ZDHHC11B: variants seen among roughly 807,000 people sequenced by gnomAD.
The protein encoded by ZDHHC11B is probable palmitoyltransferase ZDHHC11B.
A neutral mutation model predicts 42.3 loss-of-function variants in ZDHHC11B; 17 were observed. The observed-to-expected ratio is 0.40, with a 90% CI of 0.27 to 0.60. ZDHHC11B has a LOEUF of 0.60. ZDHHC11B is among the 20% of genes least tolerant of loss of function. ZDHHC11B has a pLI of 0.41. For missense variants in ZDHHC11B, 262 were observed against 463.2 expected (o/e 0.57, Z 3.99); for synonymous variants, 123 against 193.5 (o/e 0.64, Z 3.02).
intron 9 of ZDHHC11B, among the ~76,000 whole-genome samples, chr5:743,821 C>T (rs1396783039): frequency 7.3e-5 from 11 of 149,708 alleles, no homozygotes; most frequent in Non-Finnish European, 1.2e-4. Context: ...TGCAAATAAA[C>T]GCAGTTTTAC....
At chr5:733,980 T>G (rs956510796) in intron 10 of ZDHHC11B, 141 bp from the exon 11 acceptor site, 5 of 753,188 alleles carry the variant, frequency 6.6e-6, no homozygotes, top group Non-Finnish European at 1.1e-5. Flanking sequence ...CAGCAGCTCC[T>G]GGGAGGTTGT....
intron 4 of ZDHHC11B, among the ~76,000 whole-genome samples, chr5:763,673 C>T (rs1734917284): frequency 2.0e-5 from 3 of 151,660 alleles, no homozygotes. Context: ...GTGAGCCACG[C>T]ATCTGTAGAG....
chr5:715,015 A>T (rs1741646062), intron 13 of ZDHHC11B, among the ~76,000 whole-genome samples: 1 of 149,802 alleles, frequency 6.7e-6, no homozygotes, highest in Non-Finnish European at 1.5e-5. Context: ...AGCTCCCTTC[A>T]CCTTCTGCTG....
intron 6 of ZDHHC11B, among the ~76,000 whole-genome samples, chr5:753,387 G>A (rs570245836): frequency 7.6e-6 from 1 of 130,892 alleles, no homozygotes; most frequent in African/African-American, 2.5e-5. Flanking sequence ...CATGACCCCG[G>A]CCCTGCTCTC....
chr5:784,510 G>T (rs1276788331), intron 1 of ZDHHC11B, among the ~76,000 whole-genome samples, 158 bp downstream of exon 1: 3 of 152,382 alleles, frequency 2.0e-5, no homozygotes, highest in East Asian at 1.9e-4. Context: ...CCCAATCCGG[G>T]GGCTCAGGGA....
In ZDHHC11B at chr5:711,483, ATGTGCTTCCATTTCCCAGTAC is replaced by A. The variant is rs1436757010; in HGVS notation, c.*786_*806del. On this transcript the variant is annotated 3_prime_UTR_variant, in exon 14 of 14. Transcript: ENST00000508859. ...CTGTATACTCCTATTTCCCAGTGCC[ATGTGCTTCCATTTCCCAGTAC>A]TGTGCTCATATTTCCCAGTACTGTG... 1.6e-5 allele frequency: 2 copies of A among 127,486 alleles called. No homozygotes were observed. Among genetic ancestry groups the A allele is most frequent in the Non-Finnish European group, 3.2e-5 (2 of 62,130 alleles). The allele number at this position is 127,486 out of a possible 1,614,324, so 7.9% of individuals were successfully genotyped here.
chr5:765,596 A>G lies in ZDHHC11B; in HGVS notation c.222+1102T>C, dbSNP rs1050154048. ...GCAGGCTGCTCAAGCCAGTAGCAGC[A>G]AACTGCTTGGGTTCTCTTCCACATT... On this transcript the variant is annotated intron_variant, in intron 4 of 13. Coordinates refer to ENST00000508859, the MANE Select transcript of ZDHHC11B (RefSeq NM_001351303.2). Among the ~76,000 whole-genome samples the G allele has an allele frequency of 9.2e-5, 14 of 151,930 alleles. 1 individual carries two copies. The highest frequency in any genetic ancestry group is 3.4e-4 in the African/African-American group (14 of 41,348).
At position 746,288 on chromosome 5, in the gene ZDHHC11B, C is replaced by T. The variant is rs1326805015; in HGVS notation, c.785-990G>A. Among the ~76,000 whole-genome samples the T allele has an allele frequency of 6.8e-5, 10 of 146,300 alleles. 1 individual carries two copies. In the East Asian group the frequency reaches 1.6e-3, roughly 23 times the overall value. ...GCAGTGAGGAGCAGATGGCGGTGGG[C>T]ACCCTGGGGAGCTGCCTGTGGCCAG... On this transcript the variant is annotated intron_variant, in intron 8 of 13. Transcript: ENST00000508859.
chr5:736,332 A>T lies in ZDHHC11B; in HGVS notation c.936-2493T>A, dbSNP rs2335623. Among the ~76,000 whole-genome samples, 20 of 150,098 alleles carry T rather than the reference A, an allele frequency of 1.3e-4. 1 individual carries two copies. Among genetic ancestry groups the T allele is most frequent in the South Asian group, 6.6e-4 (3 of 4,530 alleles). The stretch of plus-strand genomic sequence containing the variant: ...CCCAAATTTATAAAACAATTCTTAC[A>T]GGACATAAGAAATGAGACTGATGAA... On this transcript the variant is annotated intron_variant, in intron 10 of 13. Transcript: ENST00000508859.
At chr5:769,943 C>T (rs1343098330) in intron 1 of ZDHHC11B, among the ~76,000 whole-genome samples, 2 of 151,894 alleles carry the variant, frequency 1.3e-5, no homozygotes, top group Non-Finnish European at 2.9e-5. Flanking sequence ...GGAGCCCTGA[C>T]CGAGGTCTGA....
chr5:712,732 A>C (rs1408356094), intron 13 of ZDHHC11B, among the ~76,000 whole-genome samples: 9 of 151,234 alleles, frequency 6.0e-5, no homozygotes, highest in Non-Finnish European at 8.9e-5. Context: ...ATACGGTGAA[A>C]CCCCGTCTCT....
intron 10 of ZDHHC11B, among the ~76,000 whole-genome samples, chr5:736,828 A>C (rs1292812810): frequency 7.7e-6 from 1 of 129,390 alleles, no homozygotes; most frequent in Non-Finnish European, 1.6e-5. Flanking sequence ...TGTTTAAAGG[A>C]ATGTTCACAG....
rs1461819284 is a variant in ZDHHC11B at position 770,810 on chromosome 5, G to A, written c.-229-1880C>T. ...GTGCTGGGGGCACCGGTGTCAGGGT[G>A]CAGGGATGCCCTCTGGACTTGGTAA... On this transcript the variant is annotated intron_variant, in intron 1 of 13. Coordinates refer to ENST00000508859, the MANE Select transcript of ZDHHC11B (RefSeq NM_001351303.2). Among the ~76,000 whole-genome samples, 11 of 152,072 alleles carry A rather than the reference G, an allele frequency of 7.2e-5. No individual in the cohort carries two copies. In the East Asian group the frequency reaches 1.7e-3, roughly 24 times the overall value.
chr5:733,699 T>C lies in ZDHHC11B; in HGVS notation c.1023+53A>G, dbSNP rs1343107366. On this transcript the variant is annotated intron_variant, in intron 11 of 13. Transcript: ENST00000508859. ...TCAGCTTGGGGGACCCGAGACCACA[T>C]ATTCTGCACACGGCCCTGTCCTCAG... 25 of 1,522,372 alleles carry C rather than the reference T, an allele frequency of 1.6e-5. No homozygotes were observed. In the Middle Eastern group the frequency reaches 6.8e-4, roughly 41 times the overall value. The allele number at this position is 1,522,372 out of a possible 1,614,324, so 94.3% of individuals were successfully genotyped here. A position where few individuals can be genotyped will look rare whatever the true frequency, so the allele number is the denominator to read the frequency against.
intron 11 of ZDHHC11B, 69 bp from the exon 12 acceptor site, chr5:730,537 A>C: frequency 1.4e-6 from 2 of 1,475,038 alleles, no homozygotes; most frequent in Non-Finnish European, 1.8e-6. Context: ...CTTATTCTTA[A>C]ACAAAATTCA....
At chr5:766,388 G>A (rs1735376302) in intron 4 of ZDHHC11B, among the ~76,000 whole-genome samples, 1 of 152,048 alleles carries the variant, frequency 6.6e-6, no homozygotes, top group East Asian at 1.9e-4. Context: ...GTCAGCGGCT[G>A]CCCTGTCCAA....
In ZDHHC11B at chr5:756,396, G is replaced by A. The variant is rs1376210961; in HGVS notation, c.223-252C>T. On this transcript the variant is annotated intron_variant, in intron 4 of 13. Transcript: ENST00000508859. ...CACCCAGCCCCGTCCACTCGGCCCT[G>A]CACACACAGCCCTGCTCACCCAGGC... is the stretch of plus-strand genomic sequence containing the variant. 5.3e-5 allele frequency among the ~76,000 whole-genome samples: 8 copies of A among 151,342 alleles called. 1 individual carries two copies. The highest frequency in any genetic ancestry group is 1.7e-4 in the African/African-American group (7 of 41,198).
chr5:750,372 G>T (rs1318136), intron 7 of ZDHHC11B, among the ~76,000 whole-genome samples: 3 of 91,234 alleles, frequency 3.3e-5, no homozygotes, highest in African/African-American at 7.8e-5. Context: ...CTGTGGCTCC[G>T]GGCGACCCCG....
intron 1 of ZDHHC11B, among the ~76,000 whole-genome samples, chr5:780,666 G>C (rs1224556760): frequency 7.0e-6 from 1 of 142,520 alleles, no homozygotes; most frequent in Non-Finnish European, 1.5e-5. Context: ...GCTGTGCCAG[G>C]TGCCAGGTGG....
Sources: allele counts gnomAD v4.1 joint callset (sites outside exome capture counted in the v4.1 genomes callset), GRCh38; gene constraint gnomAD v4.1.1; transcripts MANE v1.5; gene names NCBI Gene and HGNC (gene_info 2026-07-23, HGNC 2026-07-21).